Variants in CADPS observed in about 807,000 individuals in gnomAD.
CADPS encodes the protein calcium dependent secretion activator, also known as calcium-dependent secretion activator 1.
Under a neutral mutation model 167.3 loss-of-function variants are expected in CADPS, and 57 were observed. The observed-to-expected ratio is 0.34, with a 90% CI of 0.28 to 0.42. CADPS has a LOEUF of 0.42. CADPS is among the 20% of genes least tolerant of loss of function. The probability of loss-of-function intolerance (pLI) is 1.00; values close to 1 mark genes in which losing one functional copy is unlikely to be tolerated. For synonymous variants in CADPS, 676 were observed against 635.3 expected (o/e 1.06, Z -0.96); for missense variants, 1,414 against 1,738.1 (o/e 0.81, Z 3.32).
intron 24 of CADPS, among the ~76,000 whole-genome samples, chr3:62,471,589 G>A (rs1267272330): frequency 6.6e-6 from 1 of 152,076 alleles, no homozygotes; most frequent in Admixed American, 6.6e-5. Flanking sequence ...CATCTGACCA[G>A]GTATGTGGGA....
chr3:62,748,788 G>GCC (rs2082087517), intron 3 of CADPS, among the ~76,000 whole-genome samples: 1 of 152,062 alleles, frequency 6.6e-6, no homozygotes, highest in South Asian at 2.1e-4. Context: ...GCTCACTGTA[G>GCC]CCCTGACTTC....
intron 6 of CADPS, among the ~76,000 whole-genome samples, chr3:62,593,886 T>G (rs142540355): frequency 1.2e-3 from 186 of 152,362 alleles, no homozygotes; most frequent in Middle Eastern, 0.01. Context: ...AATCCCCTAA[T>G]ATTCTGTAAG....
intron 28 of CADPS, among the ~76,000 whole-genome samples, chr3:62,416,798 C>T (rs1380704484): frequency 1.3e-5 from 2 of 151,768 alleles, no homozygotes; most frequent in Non-Finnish European, 2.9e-5. Flanking sequence ...TAAACACAGA[C>T]AGGACAAAAT....
chr3:62,716,570 C>T (rs567441532), intron 3 of CADPS, among the ~76,000 whole-genome samples: 1 of 152,286 alleles, frequency 6.6e-6, no homozygotes, highest in Non-Finnish European at 1.5e-5. Flanking sequence ...GGTGGCATTA[C>T]ATTAGATACT....
chr3:62,851,681 G>A (rs1230247405), intron 1 of CADPS, among the ~76,000 whole-genome samples: 2 of 144,856 alleles, frequency 1.4e-5, no homozygotes, highest in Non-Finnish European at 3.0e-5. Context: ...AGGGTAACCC[G>A]ACCTTTCTCT....
intron 6 of CADPS, among the ~76,000 whole-genome samples, chr3:62,600,270 C>G (rs534212846): frequency 5.5e-4 from 84 of 151,790 alleles, no homozygotes; most frequent in Non-Finnish European, 1.0e-3. Context: ...TCCATGAAGG[C>G]TGAGGAATGG....
At chr3:62,737,606 A>C (rs1031624884) in intron 3 of CADPS, among the ~76,000 whole-genome samples, 3 of 152,212 alleles carry the variant, frequency 2.0e-5, no homozygotes, top group Non-Finnish European at 4.4e-5. Flanking sequence ...AGAGCTTCTT[A>C]TAATCCTTGG....
At chr3:62,738,909 T>C (rs978573676) in intron 3 of CADPS, among the ~76,000 whole-genome samples, 5 of 152,214 alleles carry the variant, frequency 3.3e-5, no homozygotes, top group Admixed American at 2.0e-4. Flanking sequence ...AAGTTGGGCA[T>C]ATATTGGCTT....
chr3:62,591,011 C>A (rs554797111), intron 7 of CADPS, among the ~76,000 whole-genome samples: 12 of 152,114 alleles, frequency 7.9e-5, no homozygotes, highest in African/African-American at 2.9e-4. Context: ...CCTGCCACCA[C>A]GCCCGGCTAA....
chr3:62,638,752 T>C (rs1012960648), intron 6 of CADPS, among the ~76,000 whole-genome samples: 3 of 152,166 alleles, frequency 2.0e-5, no homozygotes, highest in Admixed American at 6.6e-5. Context: ...TCAGAGTCAG[T>C]TGCAATTCCT....
intron 4 of CADPS, 65 bp downstream of exon 4, chr3:62,662,249 A>G (rs769894361): frequency 5.4e-6 from 7 of 1,304,738 alleles, no homozygotes; most frequent in Non-Finnish European, 7.8e-6. Context: ...GCTGTCAATA[A>G]TCAATGTGCT....
chr3:62,851,559 T>G (rs2078593054), intron 1 of CADPS, among the ~76,000 whole-genome samples: 1 of 145,488 alleles, frequency 6.9e-6, no homozygotes, highest in Non-Finnish European at 1.5e-5. Context: ...GATATGAAAT[T>G]CTGGGTTGAA....
At chr3:62,591,599 G>A (rs1188264762) in intron 7 of CADPS, among the ~76,000 whole-genome samples, 1 of 152,138 alleles carries the variant, frequency 6.6e-6, no homozygotes, top group African/African-American at 2.4e-5. Context: ...CAAATTAAAC[G>A]AGTTCAGATT....
At chr3:62,528,961 C>T (rs2073006527) in intron 13 of CADPS, among the ~76,000 whole-genome samples, 1 of 152,110 alleles carries the variant, frequency 6.6e-6, no homozygotes, top group African/African-American at 2.4e-5. Flanking sequence ...GAGTTCGAGA[C>T]CAGCCTGGCC....
chr3:62,553,376 T>C (rs2077614555), intron 10 of CADPS, among the ~76,000 whole-genome samples: 1 of 152,252 alleles, frequency 6.6e-6, no homozygotes, highest in Non-Finnish European at 1.5e-5. Flanking sequence ...TAAGTACTAT[T>C]ATTCCATTTT....
rs973729670 is a variant in CADPS, at chr3:62,753,137, C to T, written c.888+304G>A. On this transcript the variant is annotated intron_variant, in intron 3 of 29. Coordinates refer to ENST00000383710, the MANE Select transcript of CADPS (RefSeq NM_003716.4). This position sits in a 1 kb window ranked among gnomAD's most constrained non-coding sequence, Gnocchi z 4.6. ...TATTTTTTAAAAAATTGATTTTTAG[C>T]ACTTTTGACACGTGGAAAACAAGCC... 6.6e-6 allele frequency among the ~76,000 whole-genome samples: 1 copy of T among 152,184 alleles called. No homozygotes were observed. The highest frequency in any genetic ancestry group is 1.5e-5 in the Non-Finnish European group (1 of 68,038).
chr3:62,507,940 C>T (rs560367270), intron 17 of CADPS, among the ~76,000 whole-genome samples: 7 of 152,208 alleles, frequency 4.6e-5, no homozygotes, highest in Admixed American at 3.9e-4. Context: ...TGCAATAATT[C>T]TCTGGGGGAG....
At chr3:62,599,334 G>A (rs372863104) in intron 6 of CADPS, among the ~76,000 whole-genome samples, 8 of 150,638 alleles carry the variant, frequency 5.3e-5, no homozygotes, top group African/African-American at 2.0e-4. Context: ...CAATTATTGA[G>A]TACTTATGAT....
At chr3:62,497,047 T>A (rs1312309244) in intron 18 of CADPS, among the ~76,000 whole-genome samples, 1 of 152,204 alleles carries the variant, frequency 6.6e-6, no homozygotes, top group East Asian at 1.9e-4. Flanking sequence ...TTTGAATGGC[T>A]TTTGAATATA....
Sources: allele counts gnomAD v4.1 joint callset (sites outside exome capture counted in the v4.1 genomes callset), GRCh38; gene constraint gnomAD v4.1.1; non-coding constraint Gnocchi (gnomAD v3.1); transcripts MANE v1.5; gene names NCBI Gene and HGNC (gene_info 2026-07-23, HGNC 2026-07-21).